The following RTKN variants were observed in gnomAD, a reference collection of about 807,000 sequenced individuals.
RTKN encodes rhotekin.
Under a neutral mutation model 63.5 loss-of-function variants are expected in RTKN, and 49 were observed. The ratio of observed to expected loss-of-function variants is 0.77; its 90% CI spans 0.61 to 0.98. RTKN has a LOEUF of 0.98. RTKN is among the 50% of genes least tolerant of loss of function. RTKN has a pLI of 0.00. For synonymous variants in RTKN, 295 were observed against 290.4 expected, an observed-to-expected ratio of 1.02 and a Z score of -0.16; for missense variants, 685 against 740.8, an observed-to-expected ratio of 0.92 and a Z score of 0.87.
intron 6 of RTKN, 150 bp from the exon 7 acceptor site, chr2:74,429,092 G>C (rs1670591996): frequency 3.0e-6 from 2 of 658,294 alleles, no homozygotes; most frequent in Admixed American, 4.5e-5. Flanking sequence ...CATTTACCGA[G>C]CTCCAGCTAA....
Position 74,436,307 on chromosome 2 carries a change from A to C in RTKN, c.112-3641T>G, listed in dbSNP as rs1051030999. Reference sequence around the variant, plus strand: ...AGGGCCGCGGGAAATCGGAGGAGCCAGGGCGCCAGCATAGCTGCACCGCCT... The same window carrying C: ...AGGGCCGCGGGAAATCGGAGGAGCCCGGGCGCCAGCATAGCTGCACCGCCT... On this transcript the variant is annotated intron_variant, in intron 1 of 11. Transcript: ENST00000272430. The surrounding 1 kb of genome is among the most constrained non-coding windows in gnomAD (Gnocchi z 4.3). 6.6e-6 allele frequency among the ~76,000 whole-genome samples: 1 copy of C among 152,188 alleles called. No individual in the cohort carries two copies. Among genetic ancestry groups the C allele is most frequent in the Admixed American group, 6.5e-5 (1 of 15,280 alleles).
chr2:74,428,456 GC>G (rs903474030), intron 8 of RTKN, 60 bp from the exon 9 acceptor site: 8 of 1,612,298 alleles, frequency 5.0e-6, no homozygotes, highest in African/African-American at 2.7e-5. Flanking sequence ...CCTCTTCTCA[GC>G]CCCCCATGAG....
Position 74,426,386 on chromosome 2 carries a change from G to C in RTKN, c.1549C>G (p.Arg517Gly). Residue 517 changes from arginine to glycine, a missense_variant, in exon 12 of 12, where the codon CGA becomes GGA. Transcript: ENST00000272430. ...WTHPLPWGRP[R>G]TFSLDAVPPD... Reference sequence around the variant, plus strand: ...GGGACAGCATCCAGGGAAAAGGTTCGGGGTCTCCCCCAGGGCAGGGGGTGG... The same window carrying C: ...GGGACAGCATCCAGGGAAAAGGTTCCGGGTCTCCCCCAGGGCAGGGGGTGG... 1 of 1,611,538 alleles carries C rather than the reference G, an allele frequency of 6.2e-7. No individual in the cohort carries two copies. The highest frequency in any genetic ancestry group is 8.5e-7 in the Non-Finnish European group (1 of 1,178,782).
chr2:74,429,059 C>T (rs1385379525), intron 6 of RTKN, 117 bp from the exon 7 acceptor site: 1 of 769,934 alleles, frequency 1.3e-6, no homozygotes, highest in East Asian at 2.6e-5. Context: ...ACTCGCTTGC[C>T]TCCCCAGAGG....
At position 74,428,877 on chromosome 2, in the gene RTKN, C is replaced by T. The variant is rs760134542; in HGVS notation, c.821G>A (p.Arg274His). 2.0e-5 allele frequency: 33 copies of T among 1,613,954 alleles called. No individual in the cohort carries two copies. In the Admixed American group the frequency reaches 2.2e-4, roughly 11 times the overall value. ...LTLAAVQDGF[R>H]THDLTLASHE... ...ACTGGCAAGGGTGAGGTCATGTGTGCGGAATCCATCTTGCACTGCTGCCAG... is the reference window on the plus strand; with the variant it reads ...ACTGGCAAGGGTGAGGTCATGTGTGTGGAATCCATCTTGCACTGCTGCCAG... Residue 274 changes from arginine (R) to histidine (H), a missense_variant, in exon 7 of 12, where the codon CGC becomes CAC. Transcript: ENST00000272430.
chr2:74,430,109 G>A (rs909851033), intron 5 of RTKN, 72 bp from the exon 6 acceptor site: 9 of 1,562,538 alleles, frequency 5.8e-6, no homozygotes, highest in Non-Finnish European at 7.0e-6. Flanking sequence ...TGTGGGTGAG[G>A]CAAGTGCAGG....
Position 74,441,791 on chromosome 2 carries a change from C to A in RTKN, c.26G>T (p.Arg9Leu). The A allele has an allele frequency of 6.2e-7, 1 of 1,611,268 alleles. No individual in the cohort carries two copies. Among genetic ancestry groups the A allele is most frequent in the Non-Finnish European group, 8.5e-7 (1 of 1,179,428 alleles). Residue 9 changes from arginine to leucine, a missense_variant, in exon 1 of 12, where the codon CGG (arginine) becomes CTG (leucine). Coordinates refer to ENST00000272430, the MANE Select transcript of RTKN (RefSeq NM_001015055.2). ...GGCGGAGCCCCTGGCCACGGTGACC[C>A]GGCTCCGGTGGTTTCGGGAGAACAT... MFSRNHRS[R>L]VTVARGSALE... is the part of the protein sequence containing the mutation.
intron 1 of RTKN, 79 bp from the exon 2 acceptor site, chr2:74,432,745 G>T: frequency 7.9e-7 from 1 of 1,264,224 alleles, no homozygotes; most frequent in Non-Finnish European, 1.1e-6. Flanking sequence ...CCCCAGGTGG[G>T]CTGTGGCCAG....
intron 4 of RTKN, 22 bp from the exon 5 acceptor site, chr2:74,430,391 AAAAACACGT>A: frequency 6.2e-7 from 1 of 1,613,918 alleles, no homozygotes; most frequent in Non-Finnish European, 8.5e-7. Flanking sequence ...GGGCAAAACA[AAAAACACGT>A]CCCACGAGAG....
chr2:74,432,343 C>T (rs761096129), intron 2 of RTKN, 124 bp downstream of exon 2: 13 of 958,492 alleles, frequency 1.4e-5, no homozygotes, highest in Admixed American at 3.4e-5. Flanking sequence ...CTCCCAGGTC[C>T]CTGATAAGAC....
chr2:74,427,219 C>T lies in RTKN; in HGVS notation c.1310G>A (p.Arg437Gln), dbSNP rs140028641. 10 of 1,613,988 alleles carry T rather than the reference C, an allele frequency of 6.2e-6. No homozygotes were observed. Among genetic ancestry groups the T allele is most frequent in the African/African-American group, 4.0e-5 (3 of 74,892 alleles). ...EIMKIETPAP[R>Q]KPPQALAKQG... The stretch of plus-strand genomic sequence containing the variant: ...CTTTGCCAGTGCTTGGGGTGGTTTC[C>T]GGGGAGCAGGAGTTTCAATTTTCAT... The change falls in exon 11 of 12, where the codon CGG becomes CAG. Residue 437 changes from arginine (R) to glutamine (Q), a missense_variant. Arg to Gln is a conservative substitution (Grantham distance 43). Coordinates refer to ENST00000272430, the MANE Select transcript of RTKN (RefSeq NM_001015055.2).
chr2:74,426,324 G>A lies in RTKN; in HGVS notation c.1611C>T (p.Pro537=), dbSNP rs762891569. The A allele has an allele frequency of 1.2e-6, 2 of 1,613,714 alleles. No individual in the cohort carries two copies. Among genetic ancestry groups the A allele is most frequent in the East Asian group, 4.5e-5 (2 of 44,872 alleles). ...DHSPRARSVA[P]LPPQRSPRTR... ...TCCGTGGGGATCGCTGAGGTGGGAG[G>A]GGGGCAACCGAGCGAGCCCTAGGGG... The change falls in exon 12 of 12, where the codon CCC becomes CCT. Residue 537 remains proline, a synonymous_variant. Coordinates refer to ENST00000272430, the MANE Select transcript of RTKN (RefSeq NM_001015055.2).
intron 1 of RTKN, among the ~76,000 whole-genome samples, chr2:74,435,209 C>T (rs1020225158): frequency 1.3e-5 from 2 of 152,166 alleles, no homozygotes. Flanking sequence ...CCAGGATTCT[C>T]AGGAACATTC....
chr2:74,439,455 G>A, intron 1 of RTKN: 1 of 1,397,522 alleles, frequency 7.2e-7, no homozygotes, highest in Non-Finnish European at 1.0e-6. Flanking sequence ...AGCAGGCCTG[G>A]CTCTCCCCAC....
intron 11 of RTKN, 146 bp downstream of exon 11, chr2:74,427,023 C>T: frequency 1.4e-6 from 2 of 1,440,042 alleles, no homozygotes; most frequent in Non-Finnish European, 1.8e-6. Flanking sequence ...GAGAAAAGAA[C>T]ACACAAGATT....
Position 74,430,353 on chromosome 2 carries a change from A to G in RTKN, c.444T>C (p.Ala148=). 1 of 1,614,238 alleles carries G rather than the reference A, an allele frequency of 6.2e-7. No homozygotes were observed. The highest frequency in any genetic ancestry group is 8.5e-7 in the Non-Finnish European group (1 of 1,180,036). The change falls in exon 5 of 12, where the codon GCT becomes GCC. Residue 148 remains alanine, a synonymous_variant. Transcript: ENST00000272430. The stretch of plus-strand genomic sequence containing the variant: ...CCCCCAGCTGCAGCAGCAGGAACAC[A>G]GCCCAGCGGTGCAAGTCTGGGGACA... ...FKNKGDLHRW[A]VFLLLQLGEH...
chr2:74,435,703 A>C (rs1383296507), intron 1 of RTKN, among the ~76,000 whole-genome samples: 1 of 152,150 alleles, frequency 6.6e-6, no homozygotes, highest in Non-Finnish European at 1.5e-5. Flanking sequence ...ATCCATTTGA[A>C]ACAGGGGAAC....
intron 9 of RTKN, 199 bp from the exon 10 acceptor site, chr2:74,427,791 G>A: frequency 1.7e-6 from 1 of 587,254 alleles, no homozygotes. Context: ...CAGGGGAGGA[G>A]GAGCAGCTTG....
chr2:74,428,725 G>A lies in RTKN; in HGVS notation c.863C>T (p.Ala288Val). 6.2e-7 allele frequency: 1 copy of A among 1,613,902 alleles called. No homozygotes were observed. The highest frequency in any genetic ancestry group is 1.7e-4 in the Middle Eastern group (1 of 6,060). ...CACGCTACCATAAAGGGGCAGCCAG[G>A]CAGGGTTCTCCTCTGGGGGAGGAGG... ...LTLASHEENP[A>V]WLPLYGSVCC... The change falls in exon 8 of 12, where the codon GCC becomes GTC. Residue 288 changes from alanine to valine, a missense_variant. Physicochemically the swap from Ala to Val is moderately conservative, Grantham distance 64 (BLOSUM62 0). Coordinates refer to ENST00000272430, the MANE Select transcript of RTKN (RefSeq NM_001015055.2).
Sources: allele counts gnomAD v4.1 joint callset (sites outside exome capture counted in the v4.1 genomes callset), GRCh38; gene constraint gnomAD v4.1.1; non-coding constraint Gnocchi (gnomAD v3.1); transcripts MANE v1.5; gene names NCBI Gene and HGNC (gene_info 2026-07-23, HGNC 2026-07-21).